Variants in SYT13 observed in about 807,000 individuals in gnomAD.
SYT13 encodes synaptotagmin-13.
A neutral mutation model predicts 38.6 loss-of-function variants in SYT13; 21 were observed. The ratio of observed to expected loss-of-function variants is 0.54; its 90% CI spans 0.39 to 0.78. The LOEUF (loss-of-function observed/expected upper bound fraction) is 0.78. SYT13 is among the 30% of genes least tolerant of loss of function. The pLI, the probability that SYT13 is intolerant of heterozygous loss-of-function variation, is 0.00. For missense variants in SYT13, 495 were observed against 548.7 expected, an observed-to-expected ratio of 0.90 and a Z score of 0.98; for synonymous variants, 241 against 237.6, an observed-to-expected ratio of 1.01 and a Z score of -0.13.
intron 1 of SYT13, among the ~76,000 whole-genome samples, chr11:45,281,285 A>T (rs1004440980): frequency 6.6e-6 from 1 of 152,204 alleles, no homozygotes; most frequent in Non-Finnish European, 1.5e-5. Flanking sequence ...ACTGAAAGCC[A>T]CTTCAGTGAT....
At chr11:45,273,976 T>C (rs2135907468) in intron 1 of SYT13, among the ~76,000 whole-genome samples, 1 of 152,342 alleles carries the variant, frequency 6.6e-6, no homozygotes, top group Non-Finnish European at 1.5e-5. Context: ...CATTCATTCT[T>C]CCATATAACC....
At chr11:45,249,756 G>A (rs1180772505) in intron 4 of SYT13, among the ~76,000 whole-genome samples, 1 of 152,194 alleles carries the variant, frequency 6.6e-6, no homozygotes, top group Non-Finnish European at 1.5e-5. Context: ...TCAGGGGTGG[G>A]GGCCTGGGGG....
In SYT13 at chr11:45,255,954, G is replaced by C. The variant is rs992218010; in HGVS notation, c.184-63C>G. 9 of 1,546,190 alleles carry C rather than the reference G, an allele frequency of 5.8e-6. No homozygotes were observed. In the African/African-American group the frequency reaches 1.2e-4, roughly 21 times the overall value. ...GCCCTCTTGTCTGTTTCCCCCCATG[G>C]AAGGGAGAAACGGTGAACTGACCTG... On this transcript the variant is annotated intron_variant, in intron 1 of 5. Coordinates refer to ENST00000020926, the MANE Select transcript of SYT13 (RefSeq NM_020826.3).
Position 45,254,225 on chromosome 11 carries a change from G to A in SYT13, c.544+45C>T, listed in dbSNP as rs1428676654. The A allele has an allele frequency of 2.5e-6, 4 of 1,572,204 alleles. No homozygotes were observed. The African/African-American group carries it at 5.4e-5, about 21-fold the overall frequency. On this transcript the variant is annotated intron_variant, in intron 3 of 5. Coordinates refer to ENST00000020926, the MANE Select transcript of SYT13 (RefSeq NM_020826.3). The stretch of plus-strand genomic sequence containing the variant: ...TCCTGCCTGCACAGCTTCTCCAGGG[G>A]AGATAGACACACAGAAGCCCACGAG...
chr11:45,241,794 C>A lies in SYT13; in HGVS notation c.*2258G>T, dbSNP rs1380724866. On this transcript the variant is annotated 3_prime_UTR_variant, in exon 6 of 6. Transcript: ENST00000020926. ...TTTGTTTTCTTTTACCCACACCAAC[C>A]AAAGAGAAGAAACCAGTATGGTGAA... The A allele has an allele frequency of 1.3e-5, 2 of 152,158 alleles. No homozygotes were observed. The highest frequency in any genetic ancestry group is 2.4e-5 in the African/African-American group (1 of 41,434). The allele number at this position is 152,158 out of a possible 1,614,324, so 9.4% of individuals were successfully genotyped here. A position where few individuals can be genotyped will look rare whatever the true frequency, so the allele number is the denominator to read the frequency against.
intron 1 of SYT13, among the ~76,000 whole-genome samples, chr11:45,260,733 G>A (rs1854804474): frequency 6.6e-6 from 1 of 152,196 alleles, no homozygotes; most frequent in African/African-American, 2.4e-5. Flanking sequence ...CATCTGGATA[G>A]AAGAATCACA....
chr11:45,272,810 A>G (rs1460355662), intron 1 of SYT13, among the ~76,000 whole-genome samples: 1 of 152,214 alleles, frequency 6.6e-6, no homozygotes, highest in African/African-American at 2.4e-5. Context: ...TTTGGCAAGC[A>G]GATATTAAAG....
intron 4 of SYT13, among the ~76,000 whole-genome samples, chr11:45,250,572 A>G (rs1406256100): frequency 1.3e-5 from 2 of 152,202 alleles, no homozygotes; most frequent in Non-Finnish European, 2.9e-5. Flanking sequence ...CTAGTTTACT[A>G]GTTTAATAAT....
chr11:45,279,572 G>C (rs1445165185), intron 1 of SYT13, among the ~76,000 whole-genome samples: 1 of 152,322 alleles, frequency 6.6e-6, no homozygotes, highest in East Asian at 1.9e-4. Flanking sequence ...GGGTGGCAAA[G>C]TGAGACTGTG....
Position 45,286,337 on chromosome 11 carries a change from G to A in SYT13, c.-130C>T. On this transcript the variant is annotated 5_prime_UTR_variant, in exon 1 of 6. Transcript: ENST00000020926. ...CCGCCGCCAGAGGGGCGGGGACGGA[G>A]GGAGGGAGGACGGCTGCGAGGACGT... The A allele has an allele frequency of 8.8e-7, 1 of 1,139,082 alleles. No homozygotes were observed. Among genetic ancestry groups the A allele is most frequent in the Non-Finnish European group, 1.2e-6 (1 of 840,532 alleles). The allele number at this position is 1,139,082 out of a possible 1,614,324, so 70.6% of individuals were successfully genotyped here.
intron 1 of SYT13, among the ~76,000 whole-genome samples, chr11:45,270,277 T>C (rs78358712): frequency 0.027 from 4,098 of 152,334 alleles, 193 homozygotes; most frequent in African/African-American, 0.093. Context: ...TTGTTTAATA[T>C]TGGTTCATTT....
At chr11:45,274,657 G>A (rs913947165) in intron 1 of SYT13, among the ~76,000 whole-genome samples, 4 of 152,198 alleles carry the variant, frequency 2.6e-5, no homozygotes, top group African/African-American at 9.6e-5. Context: ...ACTTGCAGCT[G>A]TTTCAATCAA....
At chr11:45,262,723 A>T (rs906213894) in intron 1 of SYT13, among the ~76,000 whole-genome samples, 13 of 74,270 alleles carry the variant, frequency 1.8e-4, no homozygotes, top group Middle Eastern at 6.4e-3. Context: ...AGATCCTATC[A>T]CACACACACA....
At chr11:45,285,847 TC>T in intron 1 of SYT13, 177 bp downstream of exon 1, 1 of 246,176 alleles carries the variant, frequency 4.1e-6, no homozygotes, top group Admixed American at 5.2e-5. Context: ...TCCCCTAGCC[TC>T]CCCCATCCCC....
chr11:45,249,560 A>G (rs1156484854), intron 4 of SYT13, among the ~76,000 whole-genome samples: 1 of 152,262 alleles, frequency 6.6e-6, no homozygotes, highest in African/African-American at 2.4e-5. Context: ...ACGGAATACT[A>G]TGCAGCCATA....
intron 1 of SYT13, among the ~76,000 whole-genome samples, chr11:45,279,880 A>G (rs1855051707): frequency 6.6e-6 from 1 of 152,124 alleles, no homozygotes; most frequent in African/African-American, 2.4e-5. Flanking sequence ...TCCTATCATC[A>G]TTAAGGTACA....
Position 45,286,220 on chromosome 11 carries a change from C to A in SYT13, c.-13G>T, listed in dbSNP as rs746875984. 1.3e-6 allele frequency: 2 copies of A among 1,532,870 alleles called. No homozygotes were observed. The highest frequency in any genetic ancestry group is 1.4e-5 in the African/African-American group (1 of 72,926). 95.0% of individuals were successfully genotyped at this position (1,532,870 alleles called of 1,614,324 possible). A position where few individuals can be genotyped will look rare whatever the true frequency, so the allele number is the denominator to read the frequency against. ...CCGACAGCACCATGGTGCCCGCTCC[C>A]GGCGAGGGGCTGGGTCCCGCAGCCG... On this transcript the variant is annotated 5_prime_UTR_variant, in exon 1 of 6. Transcript: ENST00000020926.
intron 3 of SYT13, chr11:45,253,913 G>T (rs757873087): frequency 2.9e-4 from 48 of 163,246 alleles, no homozygotes; most frequent in Non-Finnish European, 5.7e-4. Context: ...TCCAGGTAAA[G>T]GCTGTTAAGG....
At chr11:45,285,072 G>A (rs1400715952) in intron 1 of SYT13, among the ~76,000 whole-genome samples, 1 of 152,170 alleles carries the variant, frequency 6.6e-6, no homozygotes, top group African/African-American at 2.4e-5. Context: ...AGGGCCTTTA[G>A]GAGGTCCTTT....
Sources: gnomAD v4.1 joint callset for allele counts (sites outside exome capture counted in the v4.1 genomes callset) on GRCh38, gnomAD v4.1.1 for gene constraint, MANE v1.5 for transcripts, NCBI Gene and HGNC (gene_info 2026-07-23, HGNC 2026-07-21) for gene names.